ZNF469: variants seen among roughly 807,000 people sequenced by gnomAD.
The protein encoded by ZNF469 is zinc finger protein 469.
ZNF469 carries 1 observed loss-of-function variant against 1.0 expected under a neutral mutation model. That is an observed-to-expected ratio of 1.00 (90% CI 0.35 to 4.73). The LOEUF is 4.73. ZNF469 is among the 30% of genes most tolerant of loss of function. The pLI is 0.16. For missense variants in ZNF469, 6,100 were observed against 5,356.3 expected (o/e 1.14, Z -4.33); for synonymous variants, 2,703 against 2,363.4 (o/e 1.14, Z -4.17).
chr16:88,294,497 C>A, the ZNF469 span, among the ~76,000 whole-genome samples: 6 of 152,230 alleles, frequency 3.9e-5, no homozygotes, highest in Non-Finnish European at 7.3e-5. Context: ...GCCCTCTGGG[C>A]TCCCAGGCTA....
the ZNF469 span, among the ~76,000 whole-genome samples, chr16:88,372,999 T>A: frequency 6.6e-6 from 1 of 152,362 alleles, no homozygotes; most frequent in South Asian, 2.1e-4. Context: ...ATTGTCTCCA[T>A]CATTACCATC....
the ZNF469 span, among the ~76,000 whole-genome samples, chr16:88,187,415 G>A: frequency 1.3e-5 from 2 of 152,184 alleles, no homozygotes; most frequent in Admixed American, 6.5e-5. Flanking sequence ...CATACAGGAA[G>A]GAAAACCTCC....
the ZNF469 span, among the ~76,000 whole-genome samples, chr16:88,375,826 G>A: frequency 6.6e-6 from 1 of 152,154 alleles, no homozygotes; most frequent in African/African-American, 2.4e-5. Flanking sequence ...CACCCCTTGG[G>A]AAATCAGAAG....
chr16:88,247,960 A>G, the ZNF469 span, among the ~76,000 whole-genome samples: 4 of 152,224 alleles, frequency 2.6e-5, no homozygotes, highest in African/African-American at 4.8e-5. Context: ...AGCATTGTTC[A>G]GTGGTCGTCC....
the ZNF469 span, among the ~76,000 whole-genome samples, chr16:88,148,629 A>C: frequency 6.6e-6 from 1 of 151,732 alleles, no homozygotes; most frequent in African/African-American, 2.4e-5. Flanking sequence ...CTTGAGGCAA[A>C]CCCCCTTCCA....
intron 1 of ZNF469, among the ~76,000 whole-genome samples, chr16:88,422,875 A>AATGGATGG (rs1360418465): frequency 2.7e-5 from 2 of 75,138 alleles, no homozygotes; most frequent in Non-Finnish European, 5.4e-5. Context: ...TGGATGAGTG[A>AATGGATGG]ATGGATGGAT....
chr16:88,277,631 T>G, the ZNF469 span, among the ~76,000 whole-genome samples: 1,806 of 139,864 alleles, frequency 0.013, 69 homozygotes, highest in African/African-American at 0.052. Context: ...TAGATAGCAG[T>G]GCATGGTTAG....
the ZNF469 span, among the ~76,000 whole-genome samples, chr16:88,301,726 C>T: frequency 1.8e-4 from 27 of 152,330 alleles, no homozygotes; most frequent in African/African-American, 6.0e-4. Context: ...GCTTTGTCTC[C>T]GCCCAGCTCT....
chr16:88,206,338 C>A, the ZNF469 span, among the ~76,000 whole-genome samples: 1 of 152,216 alleles, frequency 6.6e-6, no homozygotes, highest in Non-Finnish European at 1.5e-5. Flanking sequence ...GAACTGAGTG[C>A]AGGAGGCTGT....
the ZNF469 span, among the ~76,000 whole-genome samples, chr16:88,115,422 G>A: frequency 1.7e-3 from 255 of 152,000 alleles, no homozygotes; most frequent in African/African-American, 5.8e-3. Flanking sequence ...GGGGGTCACC[G>A]CCGTGCACCC....
chr16:88,380,852 T>TCACA, upstream of ZNF469, among the ~76,000 whole-genome samples: 1 of 102,258 alleles, frequency 9.8e-6, no homozygotes, highest in Non-Finnish European at 2.0e-5. Context: ...AGACATGCAC[T>TCACA]CACATGCACT....
In ZNF469 at chr16:88,435,494, C is replaced by T. The variant is rs751102147; in HGVS notation, c.8024C>T (p.Pro2675Leu). ...GCAATGGCCAGTTACGCAGCCTCTC[C>T]GAGCCACTGCCTCTCTGTGGAAGGA... ...SPAMASYAAS[P>L]SHCLSVEGGP... The change falls in exon 3 of 3, where the codon CCG (proline) becomes CTG (leucine). Residue 2675 changes from proline (P) to leucine (L), a missense_variant. Pro to Leu is a moderately conservative substitution (Grantham distance 98). Coordinates refer to ENST00000565624, the MANE Select transcript of ZNF469 (RefSeq NM_001367624.2). 1.1e-4 allele frequency: 166 copies of T among 1,548,886 alleles called. 3 individuals are homozygous for T. The South Asian group carries it at 1.5e-3, about 14-fold the overall frequency.
At chr16:88,258,365 G>A in the ZNF469 span, among the ~76,000 whole-genome samples, 1 of 152,328 alleles carries the variant, frequency 6.6e-6, no homozygotes, top group South Asian at 2.1e-4. Flanking sequence ...CTGGAAGGGA[G>A]GGGCCACTCC....
At chr16:88,255,726 G>C in the ZNF469 span, among the ~76,000 whole-genome samples, 5 of 152,228 alleles carry the variant, frequency 3.3e-5, no homozygotes, top group Non-Finnish European at 5.9e-5. Flanking sequence ...GGGGCTTCTG[G>C]CCAATTTCAG....
At chr16:88,378,379 G>A (rs544882107), upstream of ZNF469, among the ~76,000 whole-genome samples, 9 of 152,288 alleles carry the variant, frequency 5.9e-5, no homozygotes, top group East Asian at 1.9e-4. Flanking sequence ...AATAACTAGC[G>A]CCATATCAGC....
At chr16:88,207,806 ATGC>A in the ZNF469 span, among the ~76,000 whole-genome samples, 3 of 149,338 alleles carry the variant, frequency 2.0e-5, no homozygotes, top group African/African-American at 7.3e-5. Flanking sequence ...TCTTATAAGG[ATGC>A]ACCTGATAGC....
At chr16:88,355,662 C>A in the ZNF469 span, among the ~76,000 whole-genome samples, 1 of 152,194 alleles carries the variant, frequency 6.6e-6, no homozygotes. Flanking sequence ...CCAGGACCCG[C>A]AGGAAGCCCA....
chr16:88,134,016 A>C, the ZNF469 span, among the ~76,000 whole-genome samples: 1 of 150,762 alleles, frequency 6.6e-6, no homozygotes, highest in Non-Finnish European at 1.5e-5. Flanking sequence ...AATCAATAGA[A>C]CCCCCCCGGA....
At chr16:88,102,712 C>A in the ZNF469 span, among the ~76,000 whole-genome samples, 1 of 152,208 alleles carries the variant, frequency 6.6e-6, no homozygotes, top group Admixed American at 6.5e-5. Context: ...TTTGCAGACG[C>A]CGTACTTGGA....
Sources: gnomAD v4.1 joint callset for allele counts (sites outside exome capture counted in the v4.1 genomes callset) on GRCh38, gnomAD v4.1.1 for gene constraint, MANE v1.5 for transcripts, NCBI Gene and HGNC (gene_info 2026-07-23, HGNC 2026-07-21) for gene names.